Variants in EVI5 observed in about 807,000 individuals in gnomAD.
The protein encoded by EVI5 is ecotropic viral integration site 5 protein homolog.
Under a neutral mutation model 112.0 loss-of-function variants are expected in EVI5, and 73 were observed. The observed-to-expected ratio is 0.65, with a 90% confidence interval of 0.54 to 0.79. The LOEUF (loss-of-function observed/expected upper bound fraction) is 0.79, where lower values mean the gene tolerates loss of function less well. Ranked by LOEUF, EVI5 falls within the 30% of genes least tolerant of loss-of-function variation. The pLI is 0.00. For synonymous variants in EVI5, 305 were observed against 319.9 expected (o/e 0.95, Z 0.50); for missense variants, 900 against 968.8 (o/e 0.93, Z 0.94).
At chr1:92,686,457 T>C (rs1468012999) in intron 9 of EVI5, among the ~76,000 whole-genome samples, 2 of 152,170 alleles carry the variant, frequency 1.3e-5, no homozygotes, top group Non-Finnish European at 2.9e-5. Context: ...GGGCAAAAGC[T>C]GGAAGCATTC....
rs542726107 is a variant in EVI5 at position 92,691,689 on chromosome 1, T to C, written c.1097+2113A>G. Among the ~76,000 whole-genome samples the C allele has an allele frequency of 5.0e-4, 76 of 152,118 alleles. 1 individual carries two copies. The highest frequency in any genetic ancestry group is 5.7e-4 in the Non-Finnish European group (39 of 67,986). On this transcript the variant is annotated intron_variant, in intron 9 of 19. Transcript: ENST00000684568. Reference sequence around the variant, plus strand: ...TTGAAGATAGAGAAGGAATAATTAATGGAGCAAAGACCTGGAAGAGATGGA... The same window carrying C: ...TTGAAGATAGAGAAGGAATAATTAACGGAGCAAAGACCTGGAAGAGATGGA...
At position 92,579,552 on chromosome 1, in the gene EVI5, GTGA is replaced by G. The variant is rs1671613597; in HGVS notation, c.2071-15818_2071-15816del. On this transcript the variant is annotated intron_variant, in intron 18 of 19. Transcript: ENST00000684568. The stretch of plus-strand genomic sequence containing the variant: ...AATTTCCTTTTTCAGCAATTTTAAT[GTGA>G]TGGTTTGGTTTTACTGTGACTAATA... Among the ~76,000 whole-genome samples the G allele has an allele frequency of 2.0e-5, 3 of 152,102 alleles. No individual in the cohort carries two copies. In the South Asian group the frequency reaches 6.2e-4, roughly 32 times the overall value.
chr1:92,770,764 T>C (rs1683301895), intron 1 of EVI5, among the ~76,000 whole-genome samples: 1 of 151,750 alleles, frequency 6.6e-6, no homozygotes. Flanking sequence ...AACTCCAGCC[T>C]GGGCGACAGA....
intron 18 of EVI5, among the ~76,000 whole-genome samples, chr1:92,581,297 C>T (rs972006830): frequency 6.6e-5 from 10 of 152,200 alleles, no homozygotes; most frequent in African/African-American, 2.2e-4. Flanking sequence ...CTTGTACTAC[C>T]TAGTTGGGGG....
intron 1 of EVI5, among the ~76,000 whole-genome samples, chr1:92,760,690 C>A (rs6604021): frequency 2.0e-5 from 3 of 149,340 alleles, no homozygotes; most frequent in African/African-American, 5.0e-5. Flanking sequence ...CGCAAGATCG[C>A]GCCACAGCAC....
intron 14 of EVI5, among the ~76,000 whole-genome samples, chr1:92,627,118 C>A (rs1655848581): frequency 6.6e-6 from 1 of 152,162 alleles, no homozygotes; most frequent in South Asian, 2.1e-4. Flanking sequence ...ATCACCCAAG[C>A]AGTATACACT....
chr1:92,588,763 C>G (rs960566194), intron 18 of EVI5, among the ~76,000 whole-genome samples: 2 of 152,206 alleles, frequency 1.3e-5, no homozygotes, highest in Non-Finnish European at 2.9e-5. Context: ...ACCAATACTT[C>G]ATTTAAATTA....
intron 1 of EVI5, among the ~76,000 whole-genome samples, chr1:92,783,012 G>C (rs888747017): frequency 1.3e-5 from 2 of 151,892 alleles, no homozygotes; most frequent in African/African-American, 4.8e-5. Context: ...TAGAAAATGG[G>C]GTTTTGCCAC....
chr1:92,547,963 T>C (rs1027060016), intron 19 of EVI5, among the ~76,000 whole-genome samples: 44 of 151,622 alleles, frequency 2.9e-4, no homozygotes, highest in Non-Finnish European at 1.9e-4. Flanking sequence ...TTCCAATCAA[T>C]AGAAAAAGAG....
intron 19 of EVI5, among the ~76,000 whole-genome samples, chr1:92,541,654 T>C (rs774249811): frequency 2.6e-5 from 4 of 152,126 alleles, no homozygotes; most frequent in Admixed American, 6.5e-5. Flanking sequence ...ATATGGAAAC[T>C]TGTAAATGAA....
chr1:92,524,731 C>T (rs1455467409), intron 19 of EVI5, among the ~76,000 whole-genome samples: 1 of 152,044 alleles, frequency 6.6e-6, no homozygotes, highest in Non-Finnish European at 1.5e-5. Flanking sequence ...TTCCAAGGAT[C>T]AGCTTCATAT....
At chr1:92,670,169 A>G (rs1388369733) in intron 10 of EVI5, among the ~76,000 whole-genome samples, 1 of 152,252 alleles carries the variant, frequency 6.6e-6, no homozygotes, top group Non-Finnish European at 1.5e-5. Context: ...GGCTATGGAA[A>G]TAATAATAGG....
At chr1:92,777,909 C>CTT (rs11306355) in intron 1 of EVI5, among the ~76,000 whole-genome samples, 4 of 110,342 alleles carry the variant, frequency 3.6e-5, no homozygotes, top group African/African-American at 1.0e-4. Context: ...ATGCCAAAAT[C>CTT]TTTTTTTTTT....
At chr1:92,631,309 T>C (rs1248002744) in intron 14 of EVI5, among the ~76,000 whole-genome samples, 1 of 152,242 alleles carries the variant, frequency 6.6e-6, no homozygotes, top group African/African-American at 2.4e-5. Context: ...TTCCTACCCA[T>C]GAGCATGGAA....
intron 1 of EVI5, among the ~76,000 whole-genome samples, chr1:92,760,783 G>A (rs1264561526): frequency 2.7e-5 from 4 of 147,254 alleles, no homozygotes; most frequent in Non-Finnish European, 4.5e-5. Flanking sequence ...TAGGCCGGGC[G>A]CAGTGGCTCA....
intron 13 of EVI5, among the ~76,000 whole-genome samples, chr1:92,650,412 T>C (rs1661878878): frequency 6.6e-6 from 1 of 152,180 alleles, no homozygotes; most frequent in Non-Finnish European, 1.5e-5. Context: ...TTTACCTTCT[T>C]GGTTAAATTT....
At chr1:92,721,706 T>C (rs1489088699) in intron 2 of EVI5, among the ~76,000 whole-genome samples, 2 of 152,136 alleles carry the variant, frequency 1.3e-5, no homozygotes, top group African/African-American at 4.8e-5. Flanking sequence ...CCAGTAATTA[T>C]TCCTTAGTTG....
At chr1:92,522,352 C>T (rs1180593633) in intron 19 of EVI5, among the ~76,000 whole-genome samples, 1 of 152,014 alleles carries the variant, frequency 6.6e-6, no homozygotes, top group Non-Finnish European at 1.5e-5. Context: ...AGAATTTATA[C>T]CTTTGCCAGG....
intron 18 of EVI5, among the ~76,000 whole-genome samples, chr1:92,571,328 T>C (rs1337935898): frequency 1.3e-5 from 2 of 151,278 alleles, no homozygotes; most frequent in Non-Finnish European, 2.9e-5. Flanking sequence ...TGTCACACAT[T>C]AGTGGCACAC....
Sources: allele counts gnomAD v4.1 joint callset (sites outside exome capture counted in the v4.1 genomes callset), GRCh38; gene constraint gnomAD v4.1.1; transcripts MANE v1.5; gene names NCBI Gene and HGNC (gene_info 2026-07-23, HGNC 2026-07-21).